The following PLCG2 variants were observed in gnomAD, a reference collection of about 807,000 sequenced individuals.
The protein encoded by PLCG2 is phospholipase C gamma 2, also known as 1-phosphatidylinositol 4,5-bisphosphate phosphodiesterase gamma-2.
Under a neutral mutation model 175.6 loss-of-function variants are expected in PLCG2, and 69 were observed. The ratio of observed to expected loss-of-function variants is 0.39; its 90% CI spans 0.32 to 0.48. The LOEUF (loss-of-function observed/expected upper bound fraction) is 0.48. Ranked by LOEUF, PLCG2 falls within the 20% of genes least tolerant of loss-of-function variation. The probability of loss-of-function intolerance (pLI) is 0.91; values close to 1 mark genes in which losing one functional copy is unlikely to be tolerated. For missense variants in PLCG2, 1,798 were observed against 1,650.9 expected (o/e 1.09, Z -1.54); for synonymous variants, 827 against 624.0 (o/e 1.33, Z -4.85).
rs575195972 is a variant in PLCG2 at position 81,883,251 on chromosome 16, C to G, written c.693-18C>G. On this transcript the variant is annotated intron_variant, in intron 8 of 32. Transcript: ENST00000564138. The stretch of plus-strand genomic sequence containing the variant: ...GAATGTGTCTGTCTCTAACTGCACC[C>G]CCTTTCCCCGAGGATAGGAACACTG... 2 of 1,611,166 alleles carry G rather than the reference C, an allele frequency of 1.2e-6. No homozygotes were observed. The highest frequency in any genetic ancestry group is 4.5e-5 in the East Asian group (2 of 44,874).
At chr16:81,862,045 C>A (rs1907007746) in intron 5 of PLCG2, among the ~76,000 whole-genome samples, 1 of 152,238 alleles carries the variant, frequency 6.6e-6, no homozygotes, top group Non-Finnish European at 1.5e-5. Flanking sequence ...TCCTGTGGTT[C>A]TGGGAAGCCT....
At chr16:81,871,730 C>T (rs116819605) in intron 7 of PLCG2, among the ~76,000 whole-genome samples, 1 of 152,160 alleles carries the variant, frequency 6.6e-6, no homozygotes, top group Non-Finnish European at 1.5e-5. Context: ...ATGTTTTGAT[C>T]TGACAGTGGC....
At chr16:81,821,619 G>C (rs1904803233) in intron 2 of PLCG2, among the ~76,000 whole-genome samples, 1 of 152,078 alleles carries the variant, frequency 6.6e-6, no homozygotes, top group African/African-American at 2.4e-5. Flanking sequence ...AGCCAGGCTT[G>C]GTCTTGCTGG....
At position 81,786,172 on chromosome 16, in the gene PLCG2, C is replaced by A. The variant is rs553657822; in HGVS notation, c.183C>A (p.Ile61=). ...QVAWSKTADK[I]EGFLDIMEIK... ...CCTGGAGCAAGACCGCTGACAAGAT[C>A]GAGGGCTTCTGTGAGTACTCGCTGG... Residue 61 remains isoleucine (I), a synonymous_variant, in exon 2 of 33, where the codon ATC becomes ATA. Coordinates refer to ENST00000564138, the MANE Select transcript of PLCG2 (RefSeq NM_002661.5). 1.2e-6 allele frequency: 2 copies of A among 1,613,878 alleles called. No individual in the cohort carries two copies. The highest frequency in any genetic ancestry group is 1.7e-6 in the Non-Finnish European group (2 of 1,179,908).
chr16:81,802,534 C>T (rs138608711), intron 2 of PLCG2, among the ~76,000 whole-genome samples: 2 of 152,258 alleles, frequency 1.3e-5, no homozygotes, highest in African/African-American at 4.8e-5. Flanking sequence ...ACCACCTTCT[C>T]TTGATGAGGA....
chr16:81,844,849 C>T (rs1567494434), intron 2 of PLCG2, among the ~76,000 whole-genome samples: 1 of 152,244 alleles, frequency 6.6e-6, no homozygotes, highest in Non-Finnish European at 1.5e-5. Context: ...CCTATTTACA[C>T]AGGTCATCGA....
intron 1 of PLCG2, among the ~76,000 whole-genome samples, chr16:81,752,526 C>G (rs11646490): frequency 5.0e-4 from 76 of 152,298 alleles, no homozygotes; most frequent in South Asian, 1.0e-3. Context: ...AGTGGCTCAG[C>G]CCCTCGGCTG....
At chr16:81,794,901 A>T (rs2143215531) in intron 2 of PLCG2, among the ~76,000 whole-genome samples, 1 of 152,336 alleles carries the variant, frequency 6.6e-6, no homozygotes, top group Non-Finnish European at 1.5e-5. Context: ...ACTTTGGAGC[A>T]TGCCAGTGTG....
intron 31 of PLCG2, among the ~76,000 whole-genome samples, chr16:81,950,700 G>C (rs1196636181): frequency 6.6e-6 from 1 of 152,112 alleles, no homozygotes; most frequent in Non-Finnish European, 1.5e-5. Context: ...GACACAAAAA[G>C]ATGGCAAAAT....
rs1416622963 is a variant in PLCG2, at chr16:81,962,306, C to A, written c.*4308C>A. On this transcript the variant is annotated 3_prime_UTR_variant, in exon 33 of 33. Transcript: ENST00000564138. ...TGACATTTAACTTTTTGAACCCAAC[C>A]GTAAAAGCTATCTTCTAACCAACAA... 5.0e-6 allele frequency: 1 copy of A among 199,820 alleles called. No homozygotes were observed. The highest frequency in any genetic ancestry group is 1.0e-5 in the Non-Finnish European group (1 of 96,966). 12.4% of individuals were successfully genotyped at this position (199,820 alleles called of 1,614,324 possible). A position where few individuals can be genotyped will look rare whatever the true frequency, so the allele number is the denominator to read the frequency against.
intron 18 of PLCG2, among the ~76,000 whole-genome samples, chr16:81,911,101 T>A (rs1016217774): frequency 4.6e-5 from 7 of 152,180 alleles, no homozygotes; most frequent in African/African-American, 1.4e-4. Context: ...TGATTTTTTT[T>A]ATCTAGTGAA....
At chr16:81,806,037 A>G (rs1225667027) in intron 2 of PLCG2, among the ~76,000 whole-genome samples, 6 of 152,038 alleles carry the variant, frequency 3.9e-5, no homozygotes, top group African/African-American at 1.2e-4. Flanking sequence ...CAGTATATCC[A>G]AAGCATTATT....
intron 14 of PLCG2, among the ~76,000 whole-genome samples, chr16:81,902,318 GTGGGT>G (rs1909185848): frequency 6.6e-6 from 1 of 152,132 alleles, no homozygotes; most frequent in Non-Finnish European, 1.5e-5. Flanking sequence ...CCTAAGCTGG[GTGGGT>G]TATAAACAAC....
chr16:81,739,461 A>T (rs924832614), intron 1 of PLCG2: 20 of 152,070 alleles, frequency 1.3e-4, no homozygotes, highest in African/African-American at 4.8e-4. Flanking sequence ...TTTCTGGTAC[A>T]TTCTCTGGGA....
rs1911789563 is a variant in PLCG2, at chr16:81,961,904, T to C, written c.*3906T>C. ...AAATTCACTTAAGAGTATCTGAGCA[T>C]AAAATGTTAAGATTGCTGATCGGAT... On this transcript the variant is annotated 3_prime_UTR_variant, in exon 33 of 33. Transcript: ENST00000564138. The C allele has an allele frequency of 1.0e-5, 2 of 198,502 alleles. No homozygotes were observed. Among genetic ancestry groups the C allele is most frequent in the Non-Finnish European group, 2.1e-5 (2 of 96,006 alleles). The allele number at this position is 198,502 out of a possible 1,614,324, so 12.3% of individuals were successfully genotyped here.
chr16:81,903,368 A>T (rs938167350), intron 14 of PLCG2, among the ~76,000 whole-genome samples: 6 of 152,348 alleles, frequency 3.9e-5, no homozygotes, highest in African/African-American at 1.4e-4. Context: ...GCTTTGGCCA[A>T]GCACAACCAG....
At chr16:81,836,398 C>G (rs1905518772) in intron 2 of PLCG2, among the ~76,000 whole-genome samples, 1 of 152,126 alleles carries the variant, frequency 6.6e-6, no homozygotes, top group South Asian at 2.1e-4. Context: ...GGGGAGAGCA[C>G]TTTGGATCTT....
chr16:81,772,775 C>T (rs1043460624), intron 2 of PLCG2, among the ~76,000 whole-genome samples: 1 of 151,986 alleles, frequency 6.6e-6, no homozygotes, highest in African/African-American at 2.4e-5. Flanking sequence ...TGCCACTGTG[C>T]TCCAGCCTGG....
rs67392656 is a variant in PLCG2 at position 81,858,438 on chromosome 16, GAA to G, written c.431+94_431+95del. 4.6e-4 allele frequency: 269 copies of G among 579,428 alleles called. 1 individual carries two copies. The highest frequency in any genetic ancestry group is 3.0e-3 in the East Asian group (40 of 13,544). The allele number at this position is 579,428 out of a possible 1,614,324, so 35.9% of individuals were successfully genotyped here. On this transcript the variant is annotated intron_variant, in intron 4 of 32. Transcript: ENST00000564138. ...TTTAGCCAACATGGGCTACAGGGGG[GAA>G]AAAAAAAAAAAGGGACATTGGTTTT...
Sources: allele counts gnomAD v4.1 joint callset (sites outside exome capture counted in the v4.1 genomes callset), GRCh38; gene constraint gnomAD v4.1.1; transcripts MANE v1.5; gene names NCBI Gene and HGNC (gene_info 2026-07-23, HGNC 2026-07-21).